NELL1: variants seen among roughly 807,000 people sequenced by gnomAD.
NELL1 encodes neural EGFL like 1.
A neutral mutation model predicts 107.4 loss-of-function variants in NELL1; 76 were observed. That is an observed-to-expected ratio of 0.71 (90% CI 0.59 to 0.86). NELL1 has a LOEUF of 0.86. NELL1 is among the 40% of genes least tolerant of loss of function. The pLI, the probability that NELL1 is intolerant of heterozygous loss-of-function variation, is 0.00. For synonymous variants in NELL1, 353 were observed against 341.2 expected, an observed-to-expected ratio of 1.03 and a Z score of -0.38; for missense variants, 1,024 against 1,005.5, an observed-to-expected ratio of 1.02 and a Z score of -0.25.
chr11:21,458,639 C>A (rs544728231), intron 15 of NELL1, among the ~76,000 whole-genome samples: 2 of 152,058 alleles, frequency 1.3e-5, no homozygotes, highest in East Asian at 1.9e-4. Flanking sequence ...AGAGTGTAAT[C>A]TAAATGTTGA....
At chr11:20,681,885 T>C (rs969543150) in intron 2 of NELL1, among the ~76,000 whole-genome samples, 2 of 152,040 alleles carry the variant, frequency 1.3e-5, no homozygotes, top group African/African-American at 4.8e-5. Context: ...TGTTGTCACA[T>C]TTCCTTCTCT....
chr11:20,874,882 A>C (rs1849273406), intron 4 of NELL1, among the ~76,000 whole-genome samples: 1 of 152,232 alleles, frequency 6.6e-6, no homozygotes, highest in African/African-American at 2.4e-5. Flanking sequence ...AAATACTTGA[A>C]GACCTTATTA....
intron 13 of NELL1, among the ~76,000 whole-genome samples, chr11:21,116,751 A>C (rs1175973913): frequency 1.3e-5 from 2 of 151,798 alleles, no homozygotes; most frequent in African/African-American, 4.8e-5. Context: ...AAGTCCATCC[A>C]CTTCTGTCTA....
intron 15 of NELL1, among the ~76,000 whole-genome samples, chr11:21,477,816 A>T (rs142551710): frequency 1.3e-5 from 2 of 151,142 alleles, no homozygotes; most frequent in East Asian, 3.9e-4. Context: ...GTGAATTAAG[A>T]TTCCTATCAG....
At chr11:20,887,459 A>G (rs1458673384) in intron 5 of NELL1, among the ~76,000 whole-genome samples, 1 of 152,174 alleles carries the variant, frequency 6.6e-6, no homozygotes, top group Non-Finnish European at 1.5e-5. Flanking sequence ...TTGCATTCCC[A>G]CCAGCAATCT....
At chr11:21,399,587 G>A (rs1852053542) in intron 15 of NELL1, among the ~76,000 whole-genome samples, 1 of 151,752 alleles carries the variant, frequency 6.6e-6, no homozygotes, top group Non-Finnish European at 1.5e-5. Flanking sequence ...GCAGATTTAA[G>A]TGCTTTCACA....
At chr11:21,364,541 C>T (rs1056147002) in intron 14 of NELL1, among the ~76,000 whole-genome samples, 8 of 151,436 alleles carry the variant, frequency 5.3e-5, no homozygotes, top group South Asian at 2.1e-4. Context: ...GTCATTGGAT[C>T]GTAGCCGCAC....
chr11:21,469,791 C>T (rs1057128081), intron 15 of NELL1, among the ~76,000 whole-genome samples: 1 of 151,972 alleles, frequency 6.6e-6, no homozygotes. Context: ...GCTATGGAGT[C>T]GAGGGTGGTG....
intron 12 of NELL1, among the ~76,000 whole-genome samples, chr11:21,073,095 T>A (rs1854054176): frequency 6.6e-6 from 1 of 152,146 alleles, no homozygotes; most frequent in Non-Finnish European, 1.5e-5. Flanking sequence ...GTCAATTTGG[T>A]AGAAGATGTC....
intron 3 of NELL1, among the ~76,000 whole-genome samples, chr11:20,846,567 C>T (rs1848705072): frequency 6.6e-6 from 1 of 152,146 alleles, no homozygotes; most frequent in Admixed American, 6.5e-5. Flanking sequence ...ACCACTTTGT[C>T]ATCATGCCTC....
At chr11:21,071,133 G>A (rs1206148178) in intron 12 of NELL1, among the ~76,000 whole-genome samples, 16 of 152,068 alleles carry the variant, frequency 1.1e-4, no homozygotes, top group Admixed American at 1.0e-3. Flanking sequence ...TGCCCCATTC[G>A]CTGTGTAATC....
At chr11:21,282,645 C>T (rs1054954018) in intron 14 of NELL1, among the ~76,000 whole-genome samples, 2 of 152,042 alleles carry the variant, frequency 1.3e-5, no homozygotes, top group Non-Finnish European at 2.9e-5. Flanking sequence ...ATAGAGCCAC[C>T]ATAGCATCTA....
At chr11:20,676,047 G>T (rs12802688) in intron 1 of NELL1, among the ~76,000 whole-genome samples, 134,184 of 152,104 alleles carry the variant, frequency 0.88, 59,325 homozygotes, top group Non-Finnish European at 0.91. Context: ...CCGTGCCTGG[G>T]TGGCCTCATT....
chr11:20,726,184 G>T (rs1215927903), intron 2 of NELL1, among the ~76,000 whole-genome samples: 6 of 152,140 alleles, frequency 3.9e-5, no homozygotes, highest in African/African-American at 1.2e-4. Flanking sequence ...CTTTGCCATT[G>T]GGAATAGCAC....
At chr11:20,709,335 G>C (rs1480062025) in intron 2 of NELL1, among the ~76,000 whole-genome samples, 1 of 152,118 alleles carries the variant, frequency 6.6e-6, no homozygotes, top group Non-Finnish European at 1.5e-5. Flanking sequence ...CTTTGTTGAA[G>C]ATTAGTTGGC....
At chr11:21,387,629 T>C (rs527720044) in intron 15 of NELL1, among the ~76,000 whole-genome samples, 2 of 151,972 alleles carry the variant, frequency 1.3e-5, no homozygotes, top group South Asian at 4.1e-4. Flanking sequence ...AAACTTCCTT[T>C]ACCACTCTTC....
chr11:21,061,502 C>T (rs1008797607), intron 12 of NELL1, among the ~76,000 whole-genome samples: 5 of 152,168 alleles, frequency 3.3e-5, no homozygotes, highest in African/African-American at 1.2e-4. Flanking sequence ...GGGCCAGATC[C>T]ACTTTTGACT....
chr11:20,788,583 A>C (rs2133988255), intron 3 of NELL1, among the ~76,000 whole-genome samples: 1 of 151,854 alleles, frequency 6.6e-6, no homozygotes, highest in African/African-American at 2.4e-5. Flanking sequence ...ATAATCATGT[A>C]TGTTTTAGAG....
intron 13 of NELL1, among the ~76,000 whole-genome samples, chr11:21,168,411 A>G (rs1284663021): frequency 1.5e-4 from 22 of 151,724 alleles, no homozygotes; most frequent in African/African-American, 5.1e-4. Flanking sequence ...TTTATGTATA[A>G]TATTCTTTCA....
Sources: allele counts gnomAD v4.1 joint callset (sites outside exome capture counted in the v4.1 genomes callset), GRCh38; gene constraint gnomAD v4.1.1; transcripts MANE v1.5; gene names NCBI Gene and HGNC (gene_info 2026-07-23, HGNC 2026-07-21).